MAGI1: variants seen among roughly 807,000 people sequenced by gnomAD.
The protein encoded by MAGI1 is membrane associated guanylate kinase, WW and PDZ domain containing 1.
A neutral mutation model predicts 139.9 loss-of-function variants in MAGI1; 58 were observed. The ratio of observed to expected loss-of-function variants is 0.41; its 90% CI spans 0.34 to 0.52. MAGI1 has a LOEUF of 0.52. Among genes scored for constraint, MAGI1 ranks in the 20% least tolerant of loss-of-function variants. MAGI1 has a pLI of 0.12. For missense variants in MAGI1, 1,874 were observed against 1,901.6 expected (o/e 0.99, Z 0.27); for synonymous variants, 812 against 737.9 (o/e 1.10, Z -1.63).
At chr3:66,030,023 A>G (rs1224488589) in intron 1 of MAGI1, among the ~76,000 whole-genome samples, 1 of 152,110 alleles carries the variant, frequency 6.6e-6, no homozygotes, top group Non-Finnish European at 1.5e-5. Flanking sequence ...GGGAAACCTA[A>G]AATTGGAAAT....
Position 65,838,216 on chromosome 3 carries a change from G to A in MAGI1, c.313+199780C>T, listed in dbSNP as rs111533526. Among the ~76,000 whole-genome samples, 507 of 152,292 alleles carry A rather than the reference G, an allele frequency of 3.3e-3. 1 individual carries two copies. Among genetic ancestry groups the A allele is most frequent in the African/African-American group, 0.012 (483 of 41,554 alleles). Reference sequence around the variant, plus strand: ...CATCCCAACTACTAGGAAGGCTGAGGCAGGAGAATCACTTGCACCAAGGAG... The same window carrying A: ...CATCCCAACTACTAGGAAGGCTGAGACAGGAGAATCACTTGCACCAAGGAG... On this transcript the variant is annotated intron_variant, in intron 1 of 22. Transcript: ENST00000402939.
At chr3:65,907,452 T>C (rs1403583201) in intron 1 of MAGI1, among the ~76,000 whole-genome samples, 1 of 152,102 alleles carries the variant, frequency 6.6e-6, no homozygotes, top group Non-Finnish European at 1.5e-5. Flanking sequence ...GCAAAGTACT[T>C]ATCCCCCCAC....
At chr3:65,660,649 TA>T (rs1307960205) in intron 1 of MAGI1, among the ~76,000 whole-genome samples, 1 of 152,218 alleles carries the variant, frequency 6.6e-6, no homozygotes, top group African/African-American at 2.4e-5. Context: ...AACATATAAT[TA>T]CTTCAAACTA....
At chr3:65,460,073 G>C (rs1263352222) in intron 5 of MAGI1, among the ~76,000 whole-genome samples, 1 of 152,202 alleles carries the variant, frequency 6.6e-6, no homozygotes, top group Non-Finnish European at 1.5e-5. Context: ...ACAAGTCAAA[G>C]AAATTTCCCT....
intron 1 of MAGI1, among the ~76,000 whole-genome samples, chr3:65,778,097 G>A (rs1362414635): frequency 6.6e-6 from 1 of 152,128 alleles, no homozygotes; most frequent in East Asian, 1.9e-4. Flanking sequence ...GTGATACACA[G>A]TTTACAGCAC....
chr3:65,850,020 A>G (rs547882008), intron 1 of MAGI1, among the ~76,000 whole-genome samples: 4 of 152,210 alleles, frequency 2.6e-5, no homozygotes, highest in African/African-American at 9.6e-5. Flanking sequence ...ATTATGTACT[A>G]TATCATTTAT....
chr3:65,662,575 C>T (rs1225937217), intron 1 of MAGI1, among the ~76,000 whole-genome samples: 1 of 152,138 alleles, frequency 6.6e-6, no homozygotes, highest in Non-Finnish European at 1.5e-5. Context: ...TTTGTATGTT[C>T]TAATGATGTT....
chr3:65,453,147 C>T, intron 6 of MAGI1, 111 bp downstream of exon 6: 1 of 888,880 alleles, frequency 1.1e-6, no homozygotes, highest in Non-Finnish European at 1.8e-6. Context: ...ATTGGATTAC[C>T]TTTTAAAAAC....
intron 1 of MAGI1, among the ~76,000 whole-genome samples, chr3:65,831,134 A>C (rs1168787224): frequency 6.6e-6 from 1 of 152,146 alleles, no homozygotes; most frequent in Non-Finnish European, 1.5e-5. Flanking sequence ...CCTAACAATG[A>C]CCTTTTTGTC....
At chr3:66,016,590 T>A (rs1452670362) in intron 1 of MAGI1, among the ~76,000 whole-genome samples, 1 of 152,064 alleles carries the variant, frequency 6.6e-6, no homozygotes, top group Non-Finnish European at 1.5e-5. Context: ...AGACTTTGGG[T>A]AAGTGGTGCT....
At position 66,038,631 on chromosome 3, in the gene MAGI1, T is replaced by TTTCC. The variant is rs1353971353; in HGVS notation, c.-327_-324dup. ...CTCTGCGCCGCTCGGGTTATTTTTTTTTCCTTCCTTCCTTTCTCTCTTGCC... is the reference window on the plus strand; with the variant it reads ...CTCTGCGCCGCTCGGGTTATTTTTTTTTCCTTCCTTCCTTCCTTTCTCTCTTGCC... On this transcript the variant is annotated 5_prime_UTR_variant, in exon 1 of 23. Coordinates refer to ENST00000402939, the MANE Select transcript of MAGI1 (RefSeq NM_001033057.2). 1 of 300,860 alleles carries TTTCC rather than the reference T, an allele frequency of 3.3e-6. No homozygotes were observed. The highest frequency in any genetic ancestry group is 5.7e-5 in the East Asian group (1 of 17,690). The allele number at this position is 300,860 out of a possible 1,614,324, so 18.6% of individuals were successfully genotyped here.
chr3:65,605,068 T>C (rs745366694), intron 2 of MAGI1, among the ~76,000 whole-genome samples: 9 of 152,200 alleles, frequency 5.9e-5, no homozygotes, highest in Non-Finnish European at 1.3e-4. Flanking sequence ...GAAGAACCAT[T>C]CTACGACAGC....
intron 1 of MAGI1, among the ~76,000 whole-genome samples, chr3:65,819,893 A>T (rs2108246087): frequency 6.7e-6 from 1 of 149,304 alleles, no homozygotes; most frequent in African/African-American, 2.4e-5. Context: ...AAAAAAAAAA[A>T]AAAAGGAAGG....
chr3:65,682,331 A>G (rs911285314), intron 1 of MAGI1, among the ~76,000 whole-genome samples: 2 of 152,212 alleles, frequency 1.3e-5, no homozygotes, highest in African/African-American at 4.8e-5. Context: ...TCATTTAACC[A>G]TAGTAATCAA....
At chr3:65,726,942 T>C (rs1477801686) in intron 1 of MAGI1, among the ~76,000 whole-genome samples, 6 of 137,972 alleles carry the variant, frequency 4.3e-5, no homozygotes, top group Non-Finnish European at 9.2e-5. Context: ...TGAAATCCAA[T>C]ATGCTCCAAA....
At position 65,622,373 on chromosome 3, in the gene MAGI1, T is replaced by C. The variant is rs1024692590; in HGVS notation, c.314-285A>G. ...TAATGTAGGCTATTACATTTAAATATGTGCCATAGACACTTGCAGACACTA... is the reference window on the plus strand; with the variant it reads ...TAATGTAGGCTATTACATTTAAATACGTGCCATAGACACTTGCAGACACTA... On this transcript the variant is annotated intron_variant, in intron 1 of 22. Transcript: ENST00000402939. 1.1e-4 allele frequency among the ~76,000 whole-genome samples: 17 copies of C among 152,202 alleles called. 1 individual carries two copies. Among genetic ancestry groups the C allele is most frequent in the Non-Finnish European group, 5.9e-5 (4 of 68,030 alleles).
chr3:65,927,016 G>A (rs768057570), intron 1 of MAGI1, among the ~76,000 whole-genome samples: 1 of 151,992 alleles, frequency 6.6e-6, no homozygotes, highest in Non-Finnish European at 1.5e-5. Context: ...ATAAAAATGG[G>A]GAGAAACCCT....
chr3:65,986,872 T>C (rs1313665274), intron 1 of MAGI1, among the ~76,000 whole-genome samples: 1 of 34,216 alleles, frequency 2.9e-5, no homozygotes, highest in African/African-American at 5.3e-5. Context: ...AGGAAGGGAT[T>C]TTTTTTTTTT....
chr3:65,430,724 A>G lies in MAGI1; in HGVS notation c.1521T>C (p.Ala507=), dbSNP rs938796543. ...QIKSLVLDGP[A]ALDGKMETGD... The stretch of plus-strand genomic sequence containing the variant: ...CTGTTTCCATCTTGCCATCCAATGC[A>G]GCAGGACCATCTAGGACCAAGCTCT... The change falls in exon 11 of 23, where the codon GCT becomes GCC. Residue 507 remains alanine, a synonymous_variant. Transcript: ENST00000402939. 2 of 1,613,518 alleles carry G rather than the reference A, an allele frequency of 1.2e-6. No homozygotes were observed. Among genetic ancestry groups the G allele is most frequent in the African/African-American group, 1.3e-5 (1 of 74,868 alleles).
Sources: allele counts gnomAD v4.1 joint callset (sites outside exome capture counted in the v4.1 genomes callset), GRCh38; gene constraint gnomAD v4.1.1; transcripts MANE v1.5; gene names NCBI Gene and HGNC (gene_info 2026-07-23, HGNC 2026-07-21).